The following KCNQ5 variants were observed in gnomAD, a reference collection of about 807,000 sequenced individuals.
The protein encoded by KCNQ5 is potassium voltage-gated channel subfamily KQT member 5.
Under a neutral mutation model 98.2 loss-of-function variants are expected in KCNQ5, and 30 were observed. That is an observed-to-expected ratio of 0.31 (90% confidence interval 0.23 to 0.41). The LOEUF is 0.41. Among genes scored for constraint, KCNQ5 ranks in the 10% least tolerant of loss-of-function variants. KCNQ5 has a pLI of 1.00. For missense variants in KCNQ5, 835 were observed against 1,182.5 expected, an observed-to-expected ratio of 0.71 and a Z score of 4.31; for synonymous variants, 458 against 449.4, an observed-to-expected ratio of 1.02 and a Z score of -0.24.
chr6:73,185,727 T>C (rs1336406115), intron 11 of KCNQ5, among the ~76,000 whole-genome samples: 1 of 152,162 alleles, frequency 6.6e-6, no homozygotes, highest in Non-Finnish European at 1.5e-5. Flanking sequence ...GTTTATCCTA[T>C]AGGCCAGGGA....
intron 1 of KCNQ5, among the ~76,000 whole-genome samples, chr6:72,849,205 A>C (rs952279735): frequency 2.0e-5 from 3 of 152,092 alleles, no homozygotes; most frequent in Non-Finnish European, 2.9e-5. Context: ...TGGACATTTA[A>C]ATTGATTACA....
intron 10 of KCNQ5, among the ~76,000 whole-genome samples, chr6:73,164,484 C>G (rs1406161543): frequency 6.6e-6 from 1 of 152,082 alleles, no homozygotes; most frequent in Non-Finnish European, 1.5e-5. Flanking sequence ...AATTGATGAC[C>G]GACTCTCATC....
At chr6:72,842,755 CAT>C (rs1554169906) in intron 1 of KCNQ5, among the ~76,000 whole-genome samples, 1 of 151,964 alleles carries the variant, frequency 6.6e-6, no homozygotes, top group Non-Finnish European at 1.5e-5. Context: ...ACCTTTTTTT[CAT>C]ATGTTTGTTG....
chr6:73,042,551 T>C (rs951015989), intron 3 of KCNQ5, among the ~76,000 whole-genome samples: 3 of 152,218 alleles, frequency 2.0e-5, no homozygotes, highest in Non-Finnish European at 4.4e-5. Flanking sequence ...GTAATGCATA[T>C]CAATTAACAT....
chr6:72,635,818 A>G (rs576225579), intron 1 of KCNQ5, among the ~76,000 whole-genome samples: 2 of 151,858 alleles, frequency 1.3e-5, no homozygotes, highest in Admixed American at 6.6e-5. Flanking sequence ...TTCTAATTAC[A>G]TGCTCTAAGA....
At chr6:72,710,920 G>T (rs1423830752) in intron 1 of KCNQ5, among the ~76,000 whole-genome samples, 1 of 152,102 alleles carries the variant, frequency 6.6e-6, no homozygotes, top group African/African-American at 2.4e-5. Flanking sequence ...AGAGCATTCT[G>T]CAGAACAGAT....
chr6:72,855,919 T>C (rs1331182040), intron 1 of KCNQ5, among the ~76,000 whole-genome samples: 2 of 152,226 alleles, frequency 1.3e-5, no homozygotes, highest in African/African-American at 2.4e-5. Flanking sequence ...AGAAGTTGAA[T>C]ATGGGATCCT....
chr6:72,634,290 A>G (rs1295260158), intron 1 of KCNQ5, among the ~76,000 whole-genome samples: 1 of 152,200 alleles, frequency 6.6e-6, no homozygotes, highest in African/African-American at 2.4e-5. Flanking sequence ...CTCTGCCTTC[A>G]CATTCTAACC....
At position 72,739,897 on chromosome 6, in the gene KCNQ5, T is replaced by C. The variant is rs148063214; in HGVS notation, c.398+117310T>C. On this transcript the variant is annotated intron_variant, in intron 1 of 13. Transcript: ENST00000370398. ...CTGTAAGTTTAGGCTATTATATTAA[T>C]TATCTATCTCTGGGTAACAAGATAC... is the stretch of plus-strand genomic sequence containing the variant. 3.8e-4 allele frequency among the ~76,000 whole-genome samples: 58 copies of C among 152,342 alleles called. 1 individual carries two copies. In the East Asian group the frequency reaches 0.01, roughly 27 times the overall value.
intron 1 of KCNQ5, among the ~76,000 whole-genome samples, chr6:72,700,309 A>G (rs538856334): frequency 6.6e-6 from 1 of 151,790 alleles, no homozygotes; most frequent in Non-Finnish European, 1.5e-5. Context: ...CTATCTATCT[A>G]TCTATCTATC....
chr6:73,102,767 G>A (rs9343006), intron 5 of KCNQ5, among the ~76,000 whole-genome samples: 110,904 of 152,008 alleles, frequency 0.73, 45,603 homozygotes, highest in South Asian at 0.94. Flanking sequence ...ACAAATGCTG[G>A]CAAGGATTTG....
At chr6:72,778,515 G>A (rs117219161) in intron 1 of KCNQ5, among the ~76,000 whole-genome samples, 4,604 of 150,838 alleles carry the variant, frequency 0.031, 104 homozygotes, top group Non-Finnish European at 0.045. Context: ...CTCCAGCCTG[G>A]GAGACACAGC....
intron 1 of KCNQ5, among the ~76,000 whole-genome samples, chr6:72,888,892 C>T (rs774334954): frequency 6.6e-6 from 1 of 151,998 alleles, no homozygotes; most frequent in Admixed American, 6.6e-5. Flanking sequence ...CAGCAGTGCG[C>T]AGAAGAAAAA....
At chr6:72,996,054 A>G (rs1033260151) in intron 1 of KCNQ5, among the ~76,000 whole-genome samples, 4 of 152,226 alleles carry the variant, frequency 2.6e-5, no homozygotes, top group African/African-American at 7.2e-5. Flanking sequence ...TTGTCTTCCC[A>G]TTTAACTGAA....
chr6:72,755,393 A>T (rs1771910614), intron 1 of KCNQ5, among the ~76,000 whole-genome samples: 1 of 152,072 alleles, frequency 6.6e-6, no homozygotes, highest in Non-Finnish European at 1.5e-5. Context: ...GTTGTTTACT[A>T]TTGATGTAAT....
chr6:72,975,007 G>A (rs1768094413), intron 1 of KCNQ5, among the ~76,000 whole-genome samples: 1 of 152,050 alleles, frequency 6.6e-6, no homozygotes, highest in Non-Finnish European at 1.5e-5. Context: ...AAAGTGCTAG[G>A]ATTACAGGCG....
At chr6:72,683,959 T>C (rs1156910370) in intron 1 of KCNQ5, among the ~76,000 whole-genome samples, 1 of 152,196 alleles carries the variant, frequency 6.6e-6, no homozygotes, top group Admixed American at 6.5e-5. Context: ...AAGCCATCGG[T>C]ATCTTCATTT....
chr6:72,805,459 T>C (rs184684145), intron 1 of KCNQ5, among the ~76,000 whole-genome samples: 3 of 152,118 alleles, frequency 2.0e-5, no homozygotes, highest in Non-Finnish European at 4.4e-5. Flanking sequence ...TATTGAAAAA[T>C]GAGTTCACTG....
chr6:72,819,746 G>C (rs1054850973), intron 1 of KCNQ5, among the ~76,000 whole-genome samples: 1 of 152,184 alleles, frequency 6.6e-6, no homozygotes, highest in Non-Finnish European at 1.5e-5. Flanking sequence ...TGTCTCACTG[G>C]AGTAATTTCT....
Sources: allele counts gnomAD v4.1 joint callset (sites outside exome capture counted in the v4.1 genomes callset), GRCh38; gene constraint gnomAD v4.1.1; transcripts MANE v1.5; gene names NCBI Gene and HGNC (gene_info 2026-07-23, HGNC 2026-07-21).